The following MCTP1 variants were observed in gnomAD, a reference collection of about 807,000 sequenced individuals.
The protein encoded by MCTP1 is multiple C2 and transmembrane domain containing 1, also known as multiple C2 and transmembrane domain-containing protein 1.
In MCTP1, 69 loss-of-function variants were observed where a neutral mutation model predicts 120.6. The observed-to-expected ratio is 0.57, with a 90% CI of 0.47 to 0.70. The LOEUF is 0.70. Ranked by LOEUF, MCTP1 falls within the 30% of genes least tolerant of loss-of-function variation. MCTP1 has a pLI of 0.00. For missense variants in MCTP1, 1,203 were observed against 1,248.8 expected, an observed-to-expected ratio of 0.96 and a Z score of 0.55; for synonymous variants, 529 against 493.1, an observed-to-expected ratio of 1.07 and a Z score of -0.96.
intron 1 of MCTP1, among the ~76,000 whole-genome samples, chr5:95,117,735 T>A (rs979389552): frequency 1.3e-5 from 2 of 152,176 alleles, no homozygotes; most frequent in Non-Finnish European, 2.9e-5. Flanking sequence ...GCAGCACTAT[T>A]CACAATAGAA....
chr5:95,196,912 A>G (rs572203107), intron 1 of MCTP1, among the ~76,000 whole-genome samples: 5 of 152,356 alleles, frequency 3.3e-5, no homozygotes, highest in Admixed American at 3.3e-4. Context: ...TTATTAAGCC[A>G]GCTTTTTAAT....
At chr5:95,054,407 T>C (rs1225818402) in intron 1 of MCTP1, among the ~76,000 whole-genome samples, 2 of 152,238 alleles carry the variant, frequency 1.3e-5, no homozygotes, top group Admixed American at 1.3e-4. Flanking sequence ...AGCTATTCTG[T>C]GCAAGGCATT....
intron 17 of MCTP1, among the ~76,000 whole-genome samples, chr5:94,857,174 G>A (rs907631712): frequency 2.0e-5 from 3 of 151,620 alleles, no homozygotes; most frequent in Admixed American, 6.6e-5. Context: ...CAATAGTATA[G>A]CTTTAACTTC....
At chr5:94,865,602 G>A (rs153854) in intron 17 of MCTP1, among the ~76,000 whole-genome samples, 7 of 151,986 alleles carry the variant, frequency 4.6e-5, no homozygotes, top group South Asian at 2.1e-4. Flanking sequence ...AATAAACAGG[G>A]CTAAAATGTC....
intron 2 of MCTP1, among the ~76,000 whole-genome samples, chr5:94,959,168 A>G (rs1417107286): frequency 1.3e-5 from 2 of 152,234 alleles, no homozygotes; most frequent in Non-Finnish European, 2.9e-5. Context: ...ATTGAAAAAA[A>G]CTACATGATT....
intron 1 of MCTP1, among the ~76,000 whole-genome samples, chr5:95,145,099 T>C (rs1010609649): frequency 1.3e-5 from 2 of 152,088 alleles, no homozygotes; most frequent in Non-Finnish European, 2.9e-5. Context: ...GTTCTCCTTG[T>C]AGAGATCTAT....
At chr5:95,112,468 A>G (rs551043680) in intron 1 of MCTP1, among the ~76,000 whole-genome samples, 3 of 152,350 alleles carry the variant, frequency 2.0e-5, no homozygotes, top group African/African-American at 7.2e-5. Context: ...AAAGCAATAA[A>G]TTATTGGGAA....
chr5:95,232,244 A>AAGAC (rs951030723), intron 1 of MCTP1, among the ~76,000 whole-genome samples: 14 of 151,732 alleles, frequency 9.2e-5, no homozygotes, highest in African/African-American at 3.1e-4. Flanking sequence ...AATTCAAAAG[A>AAGAC]AGACAGATAC....
At chr5:94,904,770 C>A (rs1806373663) in intron 10 of MCTP1, among the ~76,000 whole-genome samples, 3 of 152,104 alleles carry the variant, frequency 2.0e-5, no homozygotes, top group Non-Finnish European at 4.4e-5. Flanking sequence ...GACAAAGAGC[C>A]ATAATTTCCA....
At chr5:94,811,903 T>C (rs1783504074) in intron 17 of MCTP1, among the ~76,000 whole-genome samples, 1 of 152,178 alleles carries the variant, frequency 6.6e-6, no homozygotes, top group Non-Finnish European at 1.5e-5. Context: ...TTCATTGACA[T>C]GGAGATGCCG....
chr5:95,064,740 T>C (rs1163742643), intron 1 of MCTP1, among the ~76,000 whole-genome samples: 2 of 152,164 alleles, frequency 1.3e-5, no homozygotes, highest in Non-Finnish European at 2.9e-5. Flanking sequence ...GGATGATCCA[T>C]AGAAGTTCCC....
At chr5:95,006,952 A>G (rs989265387) in intron 2 of MCTP1, among the ~76,000 whole-genome samples, 1 of 152,200 alleles carries the variant, frequency 6.6e-6, no homozygotes, top group Admixed American at 6.5e-5. Context: ...ATATGGCTGT[A>G]TTAGTCTGTT....
chr5:94,886,650 T>C (rs1039888711), intron 12 of MCTP1, among the ~76,000 whole-genome samples: 7 of 152,194 alleles, frequency 4.6e-5, no homozygotes, highest in Non-Finnish European at 1.5e-5. Flanking sequence ...ATCGACAAAA[T>C]TCCTAAATGG....
At chr5:94,880,850 C>A (rs1222500547) in intron 12 of MCTP1, among the ~76,000 whole-genome samples, 1 of 152,062 alleles carries the variant, frequency 6.6e-6, no homozygotes, top group Non-Finnish European at 1.5e-5. Context: ...AGCTTTTTAT[C>A]TATTCTATAA....
intron 1 of MCTP1, among the ~76,000 whole-genome samples, chr5:95,274,658 C>G (rs1416264626): frequency 7.7e-6 from 1 of 129,300 alleles, no homozygotes; most frequent in East Asian, 2.3e-4. Flanking sequence ...AAGTCTTGCT[C>G]TGTCGCCCAG....
At chr5:94,754,891 T>C in intron 19 of MCTP1, among the ~76,000 whole-genome samples, 1 of 152,158 alleles carries the variant, frequency 6.6e-6, no homozygotes, top group East Asian at 1.9e-4. Context: ...CCTTGCAACC[T>C]ATAGGGATGT....
At chr5:95,271,209 A>G (rs1759366552) in intron 1 of MCTP1, among the ~76,000 whole-genome samples, 1 of 152,226 alleles carries the variant, frequency 6.6e-6, no homozygotes, top group African/African-American at 2.4e-5. Context: ...GAGGATGAAG[A>G]AAGTAATAAA....
chr5:94,880,735 T>A (rs1799874539), intron 12 of MCTP1, among the ~76,000 whole-genome samples: 1 of 152,148 alleles, frequency 6.6e-6, no homozygotes, highest in African/African-American at 2.4e-5. Context: ...GTTTTAGTAA[T>A]GTGGAAATCA....
At chr5:94,781,455 T>C (rs549742099) in intron 18 of MCTP1, among the ~76,000 whole-genome samples, 16 of 152,260 alleles carry the variant, frequency 1.1e-4, no homozygotes, top group African/African-American at 3.4e-4. Flanking sequence ...GTGTCTATCA[T>C]GTATCTCACA....
Sources: gnomAD v4.1 joint callset for allele counts (sites outside exome capture counted in the v4.1 genomes callset) on GRCh38, gnomAD v4.1.1 for gene constraint, MANE v1.5 for transcripts, NCBI Gene and HGNC (gene_info 2026-07-23, HGNC 2026-07-21) for gene names.